The following PPP1R21 variants were observed in gnomAD, a reference collection of about 807,000 sequenced individuals.
The protein encoded by PPP1R21 is protein phosphatase 1 regulatory subunit 21, also known as KLRAQ motif containing 1.
A neutral mutation model predicts 112.8 loss-of-function variants in PPP1R21; 85 were observed. That is an observed-to-expected ratio of 0.75 (90% CI 0.63 to 0.90). PPP1R21 has a LOEUF of 0.90. PPP1R21 is among the 40% of genes least tolerant of loss of function. The pLI is 0.00. For missense variants in PPP1R21, 1,199 were observed against 901.5 expected (o/e 1.33, Z -4.23); for synonymous variants, 381 against 322.3 (o/e 1.18, Z -1.95).
Position 48,507,392 on chromosome 2 carries a change from G to A in PPP1R21, c.2085+7G>A, listed in dbSNP as rs907548949. 3 of 1,596,086 alleles carry A rather than the reference G, an allele frequency of 1.9e-6. No homozygotes were observed. The highest frequency in any genetic ancestry group is 1.1e-5 in the South Asian group (1 of 87,602). On this transcript the variant is annotated splice_region_variant and intron_variant, in intron 19 of 21. Coordinates refer to ENST00000294952, the MANE Select transcript of PPP1R21 (RefSeq NM_001135629.3). ...AGTGCATTTTTATGCCGAGGTGAGT[G>A]TAGATTTAATTAGATTGGTGGTTTT...
chr2:48,486,341 T>C (rs1454173340), intron 13 of PPP1R21, among the ~76,000 whole-genome samples: 1 of 152,108 alleles, frequency 6.6e-6, no homozygotes, highest in Non-Finnish European at 1.5e-5. Flanking sequence ...TTTTAACTGG[T>C]AAATACAGGA....
Position 48,474,749 on chromosome 2 carries a change from C to T in PPP1R21, c.1155C>T (p.Ser385=), listed in dbSNP as rs1668675621. The T allele has an allele frequency of 1.9e-6, 3 of 1,612,890 alleles. No individual in the cohort carries two copies. Among genetic ancestry groups the T allele is most frequent in the African/African-American group, 1.3e-5 (1 of 74,850 alleles). The change falls in exon 12 of 22, where the codon TCC becomes TCT. Residue 385 remains serine (S), a synonymous_variant. Transcript: ENST00000294952. ...TAAGAGCCAGGAATCTAGAGCTGTC[C>T]CAGGACATGAAAAAAATGACAGCTG... ...SALRARNLEL[S]QDMKKMTAVF...
chr2:48,480,644 C>G (rs957727176), intron 13 of PPP1R21, among the ~76,000 whole-genome samples: 3 of 152,076 alleles, frequency 2.0e-5, no homozygotes, highest in Non-Finnish European at 2.9e-5. Flanking sequence ...GCAATTGCTT[C>G]TAGGTTTTTT....
At chr2:48,487,086 T>C (rs1288730622) in intron 14 of PPP1R21, among the ~76,000 whole-genome samples, 1 of 152,214 alleles carries the variant, frequency 6.6e-6, no homozygotes, top group Non-Finnish European at 1.5e-5. Flanking sequence ...TTAGCATTTG[T>C]CTTGGATGTG....
rs769943329 is a variant in PPP1R21, at chr2:48,479,954, A to G, written c.1256A>G (p.Asn419Ser). Residue 419 changes from asparagine (N) to serine (S), a missense_variant, in exon 13 of 22, where the codon AAC becomes AGC. Coordinates refer to ENST00000294952, the MANE Select transcript of PPP1R21 (RefSeq NM_001135629.3). ...STEPDGLLRT[N>S]YSSVLTNVGA... ...GAGCCAGATGGACTCCTTCGGACAA[A>G]CTACAGTTCTGTGTTAACAAATGTT... The G allele has an allele frequency of 9.3e-6, 15 of 1,612,890 alleles. No individual in the cohort carries two copies. Among genetic ancestry groups the G allele is most frequent in the Non-Finnish European group, 1.2e-5 (14 of 1,178,992 alleles).
chr2:48,478,066 G>A (rs1668839048), intron 12 of PPP1R21, among the ~76,000 whole-genome samples: 1 of 152,218 alleles, frequency 6.6e-6, no homozygotes, highest in African/African-American at 2.4e-5. Flanking sequence ...GACAGATGCA[G>A]GGATTGGAGT....
intron 8 of PPP1R21, 135 bp downstream of exon 8, chr2:48,465,124 A>G: frequency 1.4e-6 from 1 of 722,566 alleles, no homozygotes; most frequent in South Asian, 1.9e-5. Context: ...CGTGTTTCTC[A>G]TACATTTATT....
intron 1 of PPP1R21, among the ~76,000 whole-genome samples, chr2:48,447,131 A>G (rs1667283623): frequency 6.6e-6 from 1 of 152,222 alleles, no homozygotes; most frequent in African/African-American, 2.4e-5. Flanking sequence ...TTTAATTTTA[A>G]AGAGATGTTT....
At chr2:48,493,073 G>A (rs981469948) in intron 15 of PPP1R21, among the ~76,000 whole-genome samples, 10 of 139,796 alleles carry the variant, frequency 7.2e-5, no homozygotes, top group Non-Finnish European at 1.4e-4. Context: ...CTGGAGTGCA[G>A]TGGCATGATC....
Position 48,465,041 on chromosome 2 carries a change from T to G in PPP1R21, c.747+52T>G, listed in dbSNP as rs368128272. The G allele has an allele frequency of 8.5e-6, 12 of 1,411,650 alleles. No homozygotes were observed. In the South Asian group the frequency reaches 1.3e-4, roughly 15 times the overall value. 87.4% of individuals were successfully genotyped at this position (1,411,650 alleles called of 1,614,324 possible). A position where few individuals can be genotyped will look rare whatever the true frequency, so the allele number is the denominator to read the frequency against. The stretch of plus-strand genomic sequence containing the variant: ...TTTCAGTTATATATACATCAGACTT[T>G]CCAGAAACAAGAATTAGTTGTGTTT... On this transcript the variant is annotated intron_variant, in intron 8 of 21. Coordinates refer to ENST00000294952, the MANE Select transcript of PPP1R21 (RefSeq NM_001135629.3).
At chr2:48,460,700 T>G (rs565020228) in intron 6 of PPP1R21, among the ~76,000 whole-genome samples, 1 of 150,218 alleles carries the variant, frequency 6.7e-6, no homozygotes, top group Non-Finnish European at 1.5e-5. Flanking sequence ...TTTAGATGTG[T>G]ACATAATTGA....
At position 48,454,801 on chromosome 2, in the gene PPP1R21, G is replaced by C. The variant is rs535530753; in HGVS notation, c.273+60G>C. ...GTCGTTAGTTACTGACACCTACAGG[G>C]CATCCTGGTTTTAACAGAAGACCCC... On this transcript the variant is annotated intron_variant, in intron 3 of 21. Transcript: ENST00000294952. The C allele has an allele frequency of 1.7e-5, 23 of 1,341,088 alleles. No homozygotes were observed. The African/African-American group carries it at 3.0e-4, about 18-fold the overall frequency. The allele number at this position is 1,341,088 out of a possible 1,614,324, so 83.1% of individuals were successfully genotyped here.
At position 48,495,661 on chromosome 2, in the gene PPP1R21, A is replaced by G. The variant is rs779594873; in HGVS notation, c.1600-18A>G. 8.9e-6 allele frequency: 13 copies of G among 1,467,532 alleles called. No individual in the cohort carries two copies. In the African/African-American group the frequency reaches 9.7e-5, roughly 11 times the overall value. 90.9% of individuals were successfully genotyped at this position (1,467,532 alleles called of 1,614,324 possible). On this transcript the variant is annotated intron_variant, in intron 15 of 21. Transcript: ENST00000294952. Reference sequence around the variant, plus strand: ...ATACAATATTTTTTCTTTAATTCTTATGATGCTTTTATCATAGCCCCTCTT... The same window carrying G: ...ATACAATATTTTTTCTTTAATTCTTGTGATGCTTTTATCATAGCCCCTCTT...
At chr2:48,441,357 C>T (rs1347720074) in intron 1 of PPP1R21, 1 of 360,122 alleles carries the variant, frequency 2.8e-6, no homozygotes, top group African/African-American at 2.2e-5. Context: ...CTCCTCACCT[C>T]GCTGCTTCCT....
In PPP1R21 at chr2:48,465,582, G is replaced by A. The variant is rs764074898; in HGVS notation, c.837G>A (p.Gln279=). ...ALLNFHTYTE[Q]RIQIFPVDSA... is the part of the protein sequence containing the mutation. ...TAAACTTTCATACCTACACAGAACA[G>A]AGGATTCAAATTTTTCCTGTTGATT... The change falls in exon 9 of 22, where the codon CAG becomes CAA. Residue 279 remains glutamine, a synonymous_variant. Coordinates refer to ENST00000294952, the MANE Select transcript of PPP1R21 (RefSeq NM_001135629.3). 4.3e-5 allele frequency: 69 copies of A among 1,613,806 alleles called. No homozygotes were observed. The highest frequency in any genetic ancestry group is 5.3e-5 in the Non-Finnish European group (63 of 1,179,932).
chr2:48,477,902 G>T lies in PPP1R21; in HGVS notation c.1226-2022G>T, dbSNP rs944221118. Among the ~76,000 whole-genome samples the T allele has an allele frequency of 1.3e-5, 2 of 152,094 alleles. 1 individual carries two copies. The highest frequency in any genetic ancestry group is 2.9e-5 in the Non-Finnish European group (2 of 68,016). On this transcript the variant is annotated intron_variant, in intron 12 of 21. Transcript: ENST00000294952. ...TATGTGTGATCTCCTGTGGAGATGGGATCTCTGCAGATGTCATCAAATTAA... is the reference window on the plus strand; with the variant it reads ...TATGTGTGATCTCCTGTGGAGATGGTATCTCTGCAGATGTCATCAAATTAA...
intron 15 of PPP1R21, among the ~76,000 whole-genome samples, chr2:48,493,188 G>A (rs1312444928): frequency 6.6e-6 from 1 of 151,824 alleles, no homozygotes; most frequent in Non-Finnish European, 1.5e-5. Context: ...TGTACTTTTA[G>A]TAGAGACGGG....
intron 17 of PPP1R21, among the ~76,000 whole-genome samples, chr2:48,499,666 A>T (rs1356297071): frequency 6.6e-6 from 1 of 152,254 alleles, no homozygotes; most frequent in East Asian, 1.9e-4. Flanking sequence ...AAAGCTTTAT[A>T]ATATACACAT....
At chr2:48,495,226 C>T (rs555520222) in intron 15 of PPP1R21, among the ~76,000 whole-genome samples, 31 of 151,662 alleles carry the variant, frequency 2.0e-4, no homozygotes, top group African/African-American at 6.5e-4. Context: ...CTTTTTGAGA[C>T]GGAGTCTCGC....
Sources: gnomAD v4.1 joint callset for allele counts (sites outside exome capture counted in the v4.1 genomes callset) on GRCh38, gnomAD v4.1.1 for gene constraint, MANE v1.5 for transcripts, NCBI Gene and HGNC (gene_info 2026-07-23, HGNC 2026-07-21) for gene names.